The following UBN1 variants were observed in gnomAD, a reference collection of about 807,000 sequenced individuals.
UBN1 encodes ubinuclein-1.
Under a neutral mutation model 108.5 loss-of-function variants are expected in UBN1, and 17 were observed. That is an observed-to-expected ratio of 0.16 (90% CI 0.11 to 0.24). UBN1 has a LOEUF of 0.24. Among genes scored for constraint, UBN1 ranks in the 10% least tolerant of loss-of-function variants. UBN1 has a pLI of 1.00. For synonymous variants in UBN1, 726 were observed against 564.2 expected (o/e 1.29, Z -4.07); for missense variants, 1,595 against 1,394.4 (o/e 1.14, Z -2.29).
chr16:4,860,509 A>G (rs1217263891), intron 6 of UBN1, among the ~76,000 whole-genome samples, 155 bp from the exon 7 acceptor site: 1 of 152,198 alleles, frequency 6.6e-6, no homozygotes, highest in African/African-American at 2.4e-5. Flanking sequence ...AGCAAGAACG[A>G]GCTCCATATG....
chr16:4,860,425 C>CAAA (rs2087005168), intron 6 of UBN1, among the ~76,000 whole-genome samples: 1 of 152,220 alleles, frequency 6.6e-6, no homozygotes, highest in Non-Finnish European at 1.5e-5. Flanking sequence ...GCAGTGGTTT[C>CAAA]TAAAAACCCG....
rs374334236 is a variant in UBN1, at chr16:4,858,516, A to C, written c.337-52A>C. ...GCTGATGAAGTTCAAGGCCACAGTTAATTCTGTGTGTTTATTCAAAAAGCA... is the reference window on the plus strand; with the variant it reads ...GCTGATGAAGTTCAAGGCCACAGTTCATTCTGTGTGTTTATTCAAAAAGCA... On this transcript the variant is annotated intron_variant, in intron 3 of 17. Coordinates refer to ENST00000262376, the MANE Select transcript of UBN1 (RefSeq NM_001079514.3). The C allele has an allele frequency of 5.9e-5, 91 of 1,533,076 alleles. No homozygotes were observed. In the African/African-American group the frequency reaches 1.1e-3, roughly 18 times the overall value. 95.0% of individuals were successfully genotyped at this position (1,533,076 alleles called of 1,614,324 possible). A position where few individuals can be genotyped will look rare whatever the true frequency, so the allele number is the denominator to read the frequency against.
At chr16:4,863,501 C>T (rs1032539589) in intron 7 of UBN1, among the ~76,000 whole-genome samples, 4 of 152,156 alleles carry the variant, frequency 2.6e-5, no homozygotes, top group Non-Finnish European at 5.9e-5. Context: ...AGGGGTCCAT[C>T]CTAGATCTTG....
intron 2 of UBN1, among the ~76,000 whole-genome samples, chr16:4,853,555 T>C (rs1032802247): frequency 2.6e-5 from 4 of 151,776 alleles, no homozygotes; most frequent in Non-Finnish European, 5.9e-5. Context: ...CTTTTTTTTT[T>C]TCTTTCTTTT....
chr16:4,855,223 C>T (rs1241300155), intron 2 of UBN1, among the ~76,000 whole-genome samples: 9 of 152,138 alleles, frequency 5.9e-5, no homozygotes, highest in African/African-American at 2.2e-4. Context: ...AGCAGTATGC[C>T]TCAGTGCCAA....
rs2088099657 is a variant in UBN1, at chr16:4,882,306, G to GAGAT, written c.*2175_*2178dup. On this transcript the variant is annotated 3_prime_UTR_variant, in exon 18 of 18. Transcript: ENST00000262376. Reference sequence around the variant, plus strand: ...CTATGTTGGTGTTAGGGGTGGTGTGGAGATTGTTAATCTTGTATAAAGCAA... The same window carrying GAGAT: ...CTATGTTGGTGTTAGGGGTGGTGTGGAGATAGATTGTTAATCTTGTATAAAGCAA... The GAGAT allele has an allele frequency of 6.6e-6, 1 of 152,618 alleles. No individual in the cohort carries two copies. Among genetic ancestry groups the GAGAT allele is most frequent in the Non-Finnish European group, 1.5e-5 (1 of 68,034 alleles). 9.5% of individuals were successfully genotyped at this position (152,618 alleles called of 1,614,324 possible).
At chr16:4,868,100 C>G (rs187899790) in intron 7 of UBN1, among the ~76,000 whole-genome samples, 2 of 152,266 alleles carry the variant, frequency 1.3e-5, no homozygotes, top group East Asian at 1.9e-4. Context: ...AATATGCAAC[C>G]AAGTGTGAGA....
chr16:4,876,866 C>T lies in UBN1; in HGVS notation c.3025-5C>T. ...TTCTTACCGCTTGCTGTGTTTCTTC[C>T]CTAGAAAGGAGCGAGTGGGACTGTG... is the stretch of plus-strand genomic sequence containing the variant. On this transcript the variant is annotated splice_region_variant and splice_polypyrimidine_tract_variant and intron_variant, in intron 15 of 17. Coordinates refer to ENST00000262376, the MANE Select transcript of UBN1 (RefSeq NM_001079514.3). The T allele has an allele frequency of 6.3e-7, 1 of 1,577,456 alleles. No homozygotes were observed. Among genetic ancestry groups the T allele is most frequent in the Non-Finnish European group, 8.6e-7 (1 of 1,161,304 alleles).
chr16:4,875,146 G>C lies in UBN1; in HGVS notation c.2736G>C (p.Gly912=). 1 of 1,614,232 alleles carries C rather than the reference G, an allele frequency of 6.2e-7. No homozygotes were observed. Among genetic ancestry groups the C allele is most frequent in the Non-Finnish European group, 8.5e-7 (1 of 1,180,044 alleles). ...TTGCCAGCTCAATCTCCAAACATGG[G>C]GTTTCTTCTGGCAGCTCTTCCTCGG... is the stretch of plus-strand genomic sequence containing the variant. The part of the protein sequence containing the change: ...NPFASSISKH[G]VSSGSSSSGG... The change falls in exon 15 of 18, where the codon GGG becomes GGC. Residue 912 remains glycine (G), a synonymous_variant. Coordinates refer to ENST00000262376, the MANE Select transcript of UBN1 (RefSeq NM_001079514.3).
rs1343160958 is a variant in UBN1, at chr16:4,874,551, A to T, written c.2141A>T (p.Glu714Val). The T allele has an allele frequency of 2.5e-6, 4 of 1,614,116 alleles. No homozygotes were observed. Among genetic ancestry groups the T allele is most frequent in the Admixed American group, 1.7e-5 (1 of 60,010 alleles). Residue 714 changes from glutamate to valine, a missense_variant, in exon 15 of 18, where the codon GAA (glutamate) becomes GTA (valine). By Grantham distance (121) the Glu-to-Val change is moderately radical. Around this residue, in one of 3 missense-constraint regions of UBN1, gnomAD observed 1,398 missense variants for 1,194.7 expected, o/e 1.17. Coordinates refer to ENST00000262376, the MANE Select transcript of UBN1 (RefSeq NM_001079514.3). The part of the protein sequence containing the change: ...EKVGGVLCTE[E>V]KRNFAKPSPS... ...GTTGGAGGCGTTTTATGTACAGAAG[A>T]AAAAAGGAACTTTGCGAAGCCTAGT...
At chr16:4,851,380 G>T (rs1483481372) in intron 1 of UBN1, among the ~76,000 whole-genome samples, 1 of 152,162 alleles carries the variant, frequency 6.6e-6, no homozygotes, top group African/African-American at 2.4e-5. Flanking sequence ...AGCTTGGGAG[G>T]TTGAGGCCTC....
At chr16:4,858,951 C>A in intron 4 of UBN1, 74 bp from the exon 5 acceptor site, 1 of 1,561,576 alleles carries the variant, frequency 6.4e-7, no homozygotes, top group Non-Finnish European at 8.7e-7. Context: ...AGTCACATCT[C>A]TCTCGAGACC....
rs1645384783 is a variant in UBN1 at position 4,848,071 on chromosome 16, C to T, written c.-179C>T. 6.6e-6 allele frequency: 1 copy of T among 152,062 alleles called. No homozygotes were observed. Among genetic ancestry groups the T allele is most frequent in the African/African-American group, 2.4e-5 (1 of 41,434 alleles). 9.4% of individuals were successfully genotyped at this position (152,062 alleles called of 1,614,324 possible). A position where few individuals can be genotyped will look rare whatever the true frequency, so the allele number is the denominator to read the frequency against. ...GGCTCCCCTGGGCTCGGGGACCCGG[C>T]CATGGGCCGAGGCGCGGGCCGCCCG... On this transcript the variant is annotated 5_prime_UTR_variant, in exon 1 of 18. Coordinates refer to ENST00000262376, the MANE Select transcript of UBN1 (RefSeq NM_001079514.3).
intron 11 of UBN1, 62 bp downstream of exon 11, chr16:4,871,034 C>A: frequency 6.2e-7 from 1 of 1,606,702 alleles, no homozygotes; most frequent in East Asian, 2.2e-5. Context: ...TGAGCACGTC[C>A]CCTATTGCTG....
Position 4,870,164 on chromosome 16 carries a change from G to C in UBN1, c.1182-48G>C, listed in dbSNP as rs537298618. 38 of 1,611,650 alleles carry C rather than the reference G, an allele frequency of 2.4e-5. No individual in the cohort carries two copies. In the South Asian group the frequency reaches 4.2e-4, roughly 18 times the overall value. ...CACGTACGGTGAGCTGATGAAGACA[G>C]GAGTTGCAGTGAGCTGCAGCCGGTG... is the stretch of plus-strand genomic sequence containing the variant. On this transcript the variant is annotated intron_variant, in intron 8 of 17. Coordinates refer to ENST00000262376, the MANE Select transcript of UBN1 (RefSeq NM_001079514.3).
chr16:4,866,789 G>A (rs577757496), intron 7 of UBN1, among the ~76,000 whole-genome samples: 8 of 152,362 alleles, frequency 5.3e-5, no homozygotes, highest in Admixed American at 3.3e-4. Context: ...TAGGATTACA[G>A]GTGTGAGCCA....
chr16:4,862,626 T>C (rs2087119720), intron 7 of UBN1, among the ~76,000 whole-genome samples: 1 of 152,254 alleles, frequency 6.6e-6, no homozygotes, highest in African/African-American at 2.4e-5. Context: ...TTAAGGTCTA[T>C]GTGACGATAG....
At chr16:4,854,987 G>T (rs954526397) in intron 2 of UBN1, among the ~76,000 whole-genome samples, 6 of 152,206 alleles carry the variant, frequency 3.9e-5, no homozygotes, top group Non-Finnish European at 8.8e-5. Flanking sequence ...CTCCCAAAGT[G>T]CTGGGATTAC....
intron 12 of UBN1, 66 bp from the exon 13 acceptor site, chr16:4,872,818 A>G (rs2087711103): frequency 6.3e-7 from 1 of 1,590,954 alleles, no homozygotes; most frequent in Admixed American, 1.7e-5. Flanking sequence ...ACACTAGCAA[A>G]GTTCTGGAAG....
Sources: gnomAD v4.1 joint callset for allele counts (sites outside exome capture counted in the v4.1 genomes callset) on GRCh38, gnomAD v4.1.1 for gene constraint, gnomAD v4.1.1 regional missense constraint, MANE v1.5 for transcripts, NCBI Gene and HGNC (gene_info 2026-07-23, HGNC 2026-07-21) for gene names.